SPAG17: variants seen among roughly 807,000 people sequenced by gnomAD.
The protein encoded by SPAG17 is sperm-associated antigen 17.
In SPAG17, 169 loss-of-function variants were observed where a neutral mutation model predicts 273.6. That is an observed-to-expected ratio of 0.62 (90% confidence interval 0.55 to 0.70). The LOEUF is 0.70. Ranked by LOEUF, SPAG17 falls within the 30% of genes least tolerant of loss-of-function variation. The probability of loss-of-function intolerance (pLI) is 0.00; values close to 1 mark genes in which losing one functional copy is unlikely to be tolerated. For synonymous variants in SPAG17, 825 were observed against 873.2 expected, an observed-to-expected ratio of 0.94 and a Z score of 0.97; for missense variants, 2,557 against 2,627.8, an observed-to-expected ratio of 0.97 and a Z score of 0.59.
chr1:118,144,323 C>G (rs140809877), intron 3 of SPAG17, among the ~76,000 whole-genome samples: 10 of 152,310 alleles, frequency 6.6e-5, no homozygotes, highest in African/African-American at 2.2e-4. Flanking sequence ...GCTGTTAACA[C>G]ATCTGACTGC....
intron 48 of SPAG17, 75 bp downstream of exon 48, chr1:117,963,724 G>C: frequency 7.3e-7 from 1 of 1,379,058 alleles, no homozygotes; most frequent in Non-Finnish European, 9.9e-7. Context: ...TATAAGAAGA[G>C]GGGAAGAAAC....
rs146528056 is a variant in SPAG17 at position 118,027,858 on chromosome 1, T to G, written c.3730+416A>C. 9.6e-4 allele frequency among the ~76,000 whole-genome samples: 147 copies of G among 152,332 alleles called. 2 individuals are homozygous for G. Among genetic ancestry groups the G allele is most frequent in the African/African-American group, 3.5e-3 (144 of 41,582 alleles). Reference sequence around the variant, plus strand: ...TGTACTTTGTGTCCAGTGTCATTTGTTTTGGTCAGACCAGCAACATGCTGC... The same window carrying G: ...TGTACTTTGTGTCCAGTGTCATTTGGTTTGGTCAGACCAGCAACATGCTGC... On this transcript the variant is annotated intron_variant, in intron 26 of 48. Coordinates refer to ENST00000336338, the MANE Select transcript of SPAG17 (RefSeq NM_206996.4).
At chr1:118,074,464 A>T in intron 16 of SPAG17, 75 bp downstream of exon 16, 7 of 1,229,424 alleles carry the variant, frequency 5.7e-6, no homozygotes, top group Admixed American at 3.5e-5. Context: ...TTTCTTTTTC[A>T]GTGTTTCTTA....
At chr1:118,115,936 G>C (rs1657050674) in intron 3 of SPAG17, among the ~76,000 whole-genome samples, 1 of 152,174 alleles carries the variant, frequency 6.6e-6, no homozygotes, top group African/African-American at 2.4e-5. Context: ...AAAGATAAAA[G>C]CTGTTTGACA....
At chr1:118,083,435 G>T (rs1051273175) in intron 13 of SPAG17, among the ~76,000 whole-genome samples, 1 of 152,152 alleles carries the variant, frequency 6.6e-6, no homozygotes, top group East Asian at 1.9e-4. Context: ...GGGGTGGTGG[G>T]GGACTGGGCT....
chr1:118,062,082 A>G lies in SPAG17; in HGVS notation c.2540+4663T>C, dbSNP rs565395406. ...GGATATGCTAGATATAATATTAAAG[A>G]AAAGGCCGGGTGCGGTGGCTCATGC... On this transcript the variant is annotated intron_variant, in intron 18 of 48. Transcript: ENST00000336338. 3.9e-5 allele frequency among the ~76,000 whole-genome samples: 6 copies of G among 151,952 alleles called. No homozygotes were observed. The East Asian group carries it at 7.7e-4, about 20-fold the overall frequency.
intron 13 of SPAG17, among the ~76,000 whole-genome samples, chr1:118,084,947 G>A (rs1654869144): frequency 6.6e-6 from 1 of 152,094 alleles, no homozygotes; most frequent in South Asian, 2.1e-4. Context: ...ATGGTTCTAT[G>A]ATTCATCTTT....
At chr1:118,067,726 T>A (rs1249382201) in intron 17 of SPAG17, among the ~76,000 whole-genome samples, 2 of 152,222 alleles carry the variant, frequency 1.3e-5, no homozygotes, top group Non-Finnish European at 2.9e-5. Context: ...TTTTTCAGCA[T>A]AAATTGAGGC....
intron 1 of SPAG17, among the ~76,000 whole-genome samples, chr1:118,179,947 T>A (rs935074863): frequency 2.6e-5 from 4 of 151,904 alleles, no homozygotes; most frequent in Non-Finnish European, 5.9e-5. Context: ...GAATAATGAG[T>A]GTTGGCAGGG....
chr1:118,037,310 A>C (rs1649192880), intron 23 of SPAG17, among the ~76,000 whole-genome samples: 1 of 152,232 alleles, frequency 6.6e-6, no homozygotes, highest in Non-Finnish European at 1.5e-5. Flanking sequence ...GTTTCAGTCA[A>C]AACATAATTT....
intron 3 of SPAG17, among the ~76,000 whole-genome samples, chr1:118,143,986 TG>T (rs1273748592): frequency 6.6e-6 from 1 of 152,170 alleles, no homozygotes; most frequent in Non-Finnish European, 1.5e-5. Flanking sequence ...CCGGCTCCAC[TG>T]CATCACCACC....
intron 29 of SPAG17, among the ~76,000 whole-genome samples, chr1:118,014,428 T>C (rs1659766571): frequency 6.6e-6 from 1 of 152,122 alleles, no homozygotes. Context: ...TTAAGCCAAA[T>C]AATCTACCTC....
chr1:118,181,985 A>G (rs1290333224), intron 1 of SPAG17, among the ~76,000 whole-genome samples: 1 of 152,146 alleles, frequency 6.6e-6, no homozygotes, highest in Non-Finnish European at 1.5e-5. Flanking sequence ...TGATCCAGCA[A>G]TTCTACTTCT....
At chr1:118,125,230 C>CATATATATATATAT (rs564502550) in intron 3 of SPAG17, among the ~76,000 whole-genome samples, 2 of 141,274 alleles carry the variant, frequency 1.4e-5, no homozygotes, top group African/African-American at 5.9e-5. Flanking sequence ...TTATTGTATT[C>CATATATATATATAT]ATATATATAT....
chr1:118,013,232 A>G (rs1413792831), intron 29 of SPAG17, among the ~76,000 whole-genome samples: 1 of 152,190 alleles, frequency 6.6e-6, no homozygotes, highest in Non-Finnish European at 1.5e-5. Context: ...AAGGAACATA[A>G]TGTTTCACTG....
intron 21 of SPAG17, among the ~76,000 whole-genome samples, 155 bp downstream of exon 21, chr1:118,041,648 C>T (rs974856186): frequency 2.0e-5 from 3 of 152,004 alleles, no homozygotes; most frequent in Non-Finnish European, 2.9e-5. Flanking sequence ...TTCTAGGTAT[C>T]AGGGGTGGAA....
intron 18 of SPAG17, among the ~76,000 whole-genome samples, chr1:118,064,096 G>C (rs1652672734): frequency 6.6e-6 from 1 of 152,186 alleles, no homozygotes; most frequent in Non-Finnish European, 1.5e-5. Context: ...ACAGGTGCTG[G>C]AGAGGATGTG....
intron 38 of SPAG17, among the ~76,000 whole-genome samples, chr1:117,990,551 T>G (rs994457041): frequency 3.3e-5 from 5 of 152,218 alleles, no homozygotes; most frequent in African/African-American, 1.2e-4. Context: ...GTTGACTGTT[T>G]CCTTCCTATA....
intron 47 of SPAG17, chr1:117,964,236 CTTTTT>C (rs373131863): frequency 3.0e-4 from 39 of 131,758 alleles, no homozygotes; most frequent in East Asian, 9.9e-4. Context: ...AGATTTCATG[CTTTTT>C]TTTTTTTTTT....
Sources: allele counts gnomAD v4.1 joint callset (sites outside exome capture counted in the v4.1 genomes callset), GRCh38; gene constraint gnomAD v4.1.1; transcripts MANE v1.5; gene names NCBI Gene and HGNC (gene_info 2026-07-23, HGNC 2026-07-21).